Variants in SYCP2L observed in about 807,000 individuals in gnomAD.
SYCP2L encodes synaptonemal complex protein 2 like, also known as synaptonemal complex protein 2-like.
A neutral mutation model predicts 125.8 loss-of-function variants in SYCP2L; 98 were observed. That is an observed-to-expected ratio of 0.78 (90% confidence interval 0.66 to 0.92). SYCP2L has a LOEUF of 0.92. SYCP2L is among the 40% of genes least tolerant of loss of function. The pLI is 0.00. For synonymous variants in SYCP2L, 317 were observed against 325.4 expected (o/e 0.97, Z 0.28); for missense variants, 842 against 936.4 (o/e 0.90, Z 1.32).
intron 8 of SYCP2L, among the ~76,000 whole-genome samples, chr6:10,904,997 G>A (rs1780459669): frequency 6.6e-6 from 1 of 151,608 alleles, no homozygotes; most frequent in African/African-American, 2.4e-5. Flanking sequence ...CAAAACATTA[G>A]CTGGGTGTGG....
Position 10,893,939 on chromosome 6 carries a change from G to A in SYCP2L, c.151G>A (p.Glu51Lys). Reference sequence around the variant, plus strand: ...AATAAAAGAATACTTTCAACAGAAAGAGAGCCACTTTCCTCAAAAATATAA... The same window carrying A: ...AATAAAAGAATACTTTCAACAGAAAAAGAGCCACTTTCCTCAAAAATATAA... ...QKIKEYFQQKESHFPQKYNRL... is the reference protein window; with the variant it reads ...QKIKEYFQQKKSHFPQKYNRL... The change falls in exon 3 of 30, where the codon GAG becomes AAG. Residue 51 changes from glutamate (E) to lysine (K), a missense_variant. By Grantham distance (56) the Glu-to-Lys change is moderately conservative. Coordinates refer to ENST00000283141, the MANE Select transcript of SYCP2L (RefSeq NM_001040274.3). The A allele has an allele frequency of 6.2e-7, 1 of 1,612,820 alleles. No homozygotes were observed. Among genetic ancestry groups the A allele is most frequent in the Non-Finnish European group, 8.5e-7 (1 of 1,179,622 alleles).
At chr6:10,926,294 TAAAGA>T in intron 15 of SYCP2L, 40 bp from the exon 16 acceptor site, 1 of 1,399,594 alleles carries the variant, frequency 7.1e-7, no homozygotes, top group African/African-American at 1.5e-5. Context: ...TTTTTTTTTT[TAAAGA>T]TGACTACATT....
chr6:10,927,906 A>C (rs1292180958), intron 17 of SYCP2L, among the ~76,000 whole-genome samples: 3 of 152,156 alleles, frequency 2.0e-5, no homozygotes, highest in Non-Finnish European at 4.4e-5. Flanking sequence ...TTTCTCAGGT[A>C]TGTTCCTTGC....
Position 10,942,732 on chromosome 6 carries a change from A to C in SYCP2L, c.1940A>C (p.Asn647Thr). Reference sequence around the variant, plus strand: ...ACTAGCTTGAAACATAAGCTGAGAAACTTGGAAGACAAAGGTAAGAGAATA... The same window carrying C: ...ACTAGCTTGAAACATAAGCTGAGAACCTTGGAAGACAAAGGTAAGAGAATA... ...ESTSLKHKLRNLEDKDIPEGS... is the reference protein window; with the variant it reads ...ESTSLKHKLRTLEDKDIPEGS... The change falls in exon 23 of 30, where the codon AAC (asparagine) becomes ACC (threonine). Residue 647 changes from asparagine to threonine, a missense_variant. Transcript: ENST00000283141. 1.9e-6 allele frequency: 3 copies of C among 1,612,064 alleles called. No individual in the cohort carries two copies. Among genetic ancestry groups the C allele is most frequent in the Non-Finnish European group, 2.5e-6 (3 of 1,179,488 alleles).
intron 14 of SYCP2L, chr6:10,922,930 G>C (rs1255135471): frequency 6.6e-6 from 1 of 151,844 alleles, no homozygotes; most frequent in Non-Finnish European, 1.5e-5. Context: ...TTATATCCTG[G>C]AATAATAATA....
intron 12 of SYCP2L, among the ~76,000 whole-genome samples, chr6:10,911,894 C>CTTTCCT (rs377600077): frequency 4.0e-5 from 2 of 50,028 alleles, no homozygotes; most frequent in Non-Finnish European, 7.3e-5. Context: ...GGAATAAAAG[C>CTTTCCT]TTTTTTTTTT....
At chr6:10,950,842 G>A (rs568110419) in intron 23 of SYCP2L, among the ~76,000 whole-genome samples, 49 of 152,188 alleles carry the variant, frequency 3.2e-4, no homozygotes, top group East Asian at 2.1e-3. Flanking sequence ...TGTAATTTTC[G>A]TAGAGACAGG....
rs754316184 is a variant in SYCP2L at position 10,910,880 on chromosome 6, C to T, written c.918+11C>T. Reference sequence around the variant, plus strand: ...GCTGATGAGCATGAGGTATGTTCATCCCTCTTGGAGGTCCTGAGGGCGGTG... The same window carrying T: ...GCTGATGAGCATGAGGTATGTTCATTCCTCTTGGAGGTCCTGAGGGCGGTG... On this transcript the variant is annotated intron_variant, in intron 12 of 29. Coordinates refer to ENST00000283141, the MANE Select transcript of SYCP2L (RefSeq NM_001040274.3). 97 of 1,613,690 alleles carry T rather than the reference C, an allele frequency of 6.0e-5. No individual in the cohort carries two copies. Among genetic ancestry groups the T allele is most frequent in the Middle Eastern group, 4.9e-4 (3 of 6,084 alleles).
intron 14 of SYCP2L, among the ~76,000 whole-genome samples, chr6:10,915,314 C>T (rs1780674181): frequency 6.6e-6 from 1 of 152,166 alleles, no homozygotes. Context: ...CCCTTTATTT[C>T]TGTCTCTTGT....
intron 6 of SYCP2L, among the ~76,000 whole-genome samples, chr6:10,902,474 C>T (rs549905581): frequency 2.6e-5 from 4 of 152,098 alleles, no homozygotes; most frequent in Admixed American, 2.0e-4. Flanking sequence ...GGAAAATAAA[C>T]GCGTGTATGC....
In SYCP2L at chr6:10,942,520, A is replaced by G. The variant is rs752031875; in HGVS notation, c.1875A>G (p.Glu625=). The change falls in exon 22 of 30, where the codon GAA becomes GAG. Residue 625 remains glutamate, a synonymous_variant. Coordinates refer to ENST00000283141, the MANE Select transcript of SYCP2L (RefSeq NM_001040274.3). The part of the protein sequence containing the change: ...LSSLKHSEDE[E]KPKIVNQESL... ...CCTTGAAGCACTCAGAAGATGAAGA[A>G]AAACCTAAGGTACTATTTAATTGTT... 11 of 1,603,220 alleles carry G rather than the reference A, an allele frequency of 6.9e-6. No individual in the cohort carries two copies. The highest frequency in any genetic ancestry group is 9.4e-6 in the Non-Finnish European group (11 of 1,176,242).
chr6:10,930,551 A>G, intron 19 of SYCP2L, 37 bp downstream of exon 19: 2 of 1,584,528 alleles, frequency 1.3e-6, no homozygotes, highest in Non-Finnish European at 1.7e-6. Context: ...TCACTTTTCA[A>G]ATAGTGATTT....
At chr6:10,903,513 G>A (rs914698443) in intron 8 of SYCP2L, among the ~76,000 whole-genome samples, 2 of 152,102 alleles carry the variant, frequency 1.3e-5, no homozygotes, top group South Asian at 2.1e-4. Flanking sequence ...GCGCCACTGT[G>A]CTCCAGCCTG....
At chr6:10,945,431 C>G (rs570966098) in intron 23 of SYCP2L, among the ~76,000 whole-genome samples, 31 of 152,062 alleles carry the variant, frequency 2.0e-4, no homozygotes, top group Non-Finnish European at 3.4e-4. Context: ...GTTTTTTCTT[C>G]TGGTTCTGTT....
At chr6:10,964,218 A>G (rs532204477) in intron 29 of SYCP2L, among the ~76,000 whole-genome samples, 3 of 152,112 alleles carry the variant, frequency 2.0e-5, no homozygotes, top group Non-Finnish European at 4.4e-5. Context: ...TGGCCTCCCA[A>G]AGTGCTGGGA....
chr6:10,943,516 G>A (rs1581837994), intron 23 of SYCP2L, among the ~76,000 whole-genome samples: 1 of 140,058 alleles, frequency 7.1e-6, no homozygotes, highest in East Asian at 2.2e-4. Context: ...CGTGCGTTGT[G>A]AGAAATACCA....
intron 21 of SYCP2L, among the ~76,000 whole-genome samples, chr6:10,939,667 C>T (rs1173851551): frequency 1.3e-5 from 2 of 152,100 alleles, no homozygotes; most frequent in Non-Finnish European, 2.9e-5. Flanking sequence ...AACTGGTTAT[C>T]CACATACTAA....
At chr6:10,962,020 C>T (rs892129611) in intron 28 of SYCP2L, among the ~76,000 whole-genome samples, 17 of 152,130 alleles carry the variant, frequency 1.1e-4, no homozygotes, top group Non-Finnish European at 2.2e-4. Flanking sequence ...TTCATCAATA[C>T]ATCCTCTGGG....
intron 14 of SYCP2L, among the ~76,000 whole-genome samples, chr6:10,921,213 A>AT (rs796823588): frequency 5.3e-5 from 8 of 151,774 alleles, no homozygotes; most frequent in African/African-American, 1.5e-4. Context: ...ACATGATCTC[A>AT]TTTTTTTTAT....
Sources: gnomAD v4.1 joint callset for allele counts (sites outside exome capture counted in the v4.1 genomes callset) on GRCh38, gnomAD v4.1.1 for gene constraint, MANE v1.5 for transcripts, NCBI Gene and HGNC (gene_info 2026-07-23, HGNC 2026-07-21) for gene names.